Variants in PSD3 observed in about 807,000 individuals in gnomAD.
The protein encoded by PSD3 is pleckstrin and Sec7 domain containing 3, also known as PH and SEC7 domain-containing protein 3.
PSD3 carries 49 observed loss-of-function variants against 105.5 expected under a neutral mutation model. That is an observed-to-expected ratio of 0.46 (90% CI 0.37 to 0.59). The LOEUF (loss-of-function observed/expected upper bound fraction) is 0.59. Ranked by LOEUF, PSD3 falls within the 20% of genes least tolerant of loss-of-function variation. The pLI is 0.00. For synonymous variants in PSD3, 557 were observed against 457.8 expected, an observed-to-expected ratio of 1.22 and a Z score of -2.77; for missense variants, 1,561 against 1,263.8, an observed-to-expected ratio of 1.24 and a Z score of -3.57.
intron 8 of PSD3, among the ~76,000 whole-genome samples, chr8:18,765,783 T>C (rs1806934930): frequency 6.6e-6 from 1 of 151,896 alleles, no homozygotes; most frequent in African/African-American, 2.4e-5. Context: ...CTAACATGTT[T>C]AGTAAAAACC....
chr8:19,074,428 G>T (rs1829379667), intron 1 of PSD3, among the ~76,000 whole-genome samples: 1 of 151,808 alleles, frequency 6.6e-6, no homozygotes, highest in Non-Finnish European at 1.5e-5. Flanking sequence ...TTCTAATCCG[G>T]ATTTCAAATT....
chr8:18,962,967 C>T (rs1011753555), intron 1 of PSD3, among the ~76,000 whole-genome samples: 6 of 152,162 alleles, frequency 3.9e-5, no homozygotes, highest in African/African-American at 7.2e-5. Flanking sequence ...TCCGTTTTCA[C>T]GCTGCTGATA....
intron 1 of PSD3, among the ~76,000 whole-genome samples, chr8:19,073,039 A>C (rs1344750895): frequency 6.6e-6 from 1 of 152,162 alleles, no homozygotes; most frequent in Non-Finnish European, 1.5e-5. Context: ...AAAGATAATA[A>C]AATGGTTAAT....
chr8:18,782,574 G>C (rs567755194), intron 8 of PSD3, among the ~76,000 whole-genome samples: 10 of 152,310 alleles, frequency 6.6e-5, no homozygotes, highest in Non-Finnish European at 1.5e-4. Context: ...CTCTGGGATG[G>C]ATATGCAGGA....
chr8:18,734,491 T>C (rs889416881), intron 9 of PSD3: 4 of 152,200 alleles, frequency 2.6e-5, no homozygotes, highest in Non-Finnish European at 5.9e-5. Flanking sequence ...TCAGATTTTG[T>C]TCCTCCTGGC....
At chr8:18,587,375 G>A (rs781580702) in intron 12 of PSD3, among the ~76,000 whole-genome samples, 2 of 152,014 alleles carry the variant, frequency 1.3e-5, no homozygotes, top group Non-Finnish European at 2.9e-5. Flanking sequence ...ATGACATTGT[G>A]ATACCATCTC....
chr8:19,067,111 CA>C lies in PSD3; in HGVS notation c.324+17094del, dbSNP rs377571249. 5.7e-4 allele frequency among the ~76,000 whole-genome samples: 87 copies of C among 152,236 alleles called. 1 individual carries two copies. The highest frequency in any genetic ancestry group is 2.0e-3 in the African/African-American group (85 of 41,540). On this transcript the variant is annotated intron_variant, in intron 1 of 1. Transcript: ENST00000521475. ...ATGCAAGACTGATGAGTTCTTTGGGCAGACTGTCATTTAAAAAAATTGATCA... is the reference window on the plus strand; with the variant it reads ...ATGCAAGACTGATGAGTTCTTTGGGCGACTGTCATTTAAAAAAATTGATCA...
At chr8:18,793,031 T>C (rs1362119537) in intron 8 of PSD3, among the ~76,000 whole-genome samples, 5 of 152,170 alleles carry the variant, frequency 3.3e-5, no homozygotes, top group African/African-American at 9.7e-5. Context: ...TGTAGGGACA[T>C]GGATGAAGCT....
In PSD3 at chr8:18,748,387, G is replaced by A. The variant is rs185901737; in HGVS notation, c.2172+17062C>T. On this transcript the variant is annotated intron_variant, in intron 9 of 15. Transcript: ENST00000327040. ...TAATAAAGATTTTTCCAGGCTGGGC[G>A]CGATGGCTCACACCTGTAATCCCAG... 7.2e-5 allele frequency among the ~76,000 whole-genome samples: 11 copies of A among 152,240 alleles called. No homozygotes were observed. The East Asian group carries it at 9.7e-4, about 13-fold the overall frequency.
At chr8:18,768,116 C>CAAAAAAAAAA (rs774203727) in intron 8 of PSD3, among the ~76,000 whole-genome samples, 25 of 97,292 alleles carry the variant, frequency 2.6e-4, no homozygotes, top group Non-Finnish European at 4.2e-4. Flanking sequence ...ACTGAAAATA[C>CAAAAAAAAAA]AAAAAAAAAA....
At chr8:18,569,169 G>A (rs1306177636) in intron 14 of PSD3, among the ~76,000 whole-genome samples, 4 of 132,332 alleles carry the variant, frequency 3.0e-5, no homozygotes, top group East Asian at 2.2e-4. Context: ...ATAAACATAC[G>A]TGTGCATGTG....
At chr8:18,606,942 T>A (rs1804882360) in intron 11 of PSD3, among the ~76,000 whole-genome samples, 1 of 152,192 alleles carries the variant, frequency 6.6e-6, no homozygotes, top group Non-Finnish European at 1.5e-5. Flanking sequence ...ATATTTACAA[T>A]TCTGAAAGGT....
chr8:19,022,038 A>G (rs1299322047), intron 1 of PSD3, among the ~76,000 whole-genome samples: 1 of 152,214 alleles, frequency 6.6e-6, no homozygotes, highest in African/African-American at 2.4e-5. Flanking sequence ...GAAGCTTATA[A>G]CTATTGCAGA....
intron 1 of PSD3, among the ~76,000 whole-genome samples, chr8:19,054,123 C>A (rs1828626022): frequency 6.6e-6 from 1 of 152,200 alleles, no homozygotes; most frequent in Admixed American, 6.5e-5. Flanking sequence ...CCTCTAGGGC[C>A]TTTCTCCTGC....
Position 18,858,202 on chromosome 8 carries a change from T to C in PSD3, c.1634+9472A>G, listed in dbSNP as rs1816172961. ...GAGCAAGTGATACAAATTTCTGGAT[T>C]TTCTGGTGCCTATAAGAGTTAGGTT... On this transcript the variant is annotated intron_variant, in intron 4 of 15. Transcript: ENST00000327040. Among the ~76,000 whole-genome samples, 2 of 152,180 alleles carry C rather than the reference T, an allele frequency of 1.3e-5. 1 individual carries two copies. Among genetic ancestry groups the C allele is most frequent in the African/African-American group, 4.8e-5 (2 of 41,438 alleles).
chr8:18,702,076 C>T (rs1288838381), intron 9 of PSD3, among the ~76,000 whole-genome samples: 1 of 152,168 alleles, frequency 6.6e-6, no homozygotes, highest in South Asian at 2.1e-4. Flanking sequence ...TCCCAGGAAT[C>T]CTGGGAGTGA....
chr8:18,662,160 G>T (rs1007388949), intron 9 of PSD3, among the ~76,000 whole-genome samples: 6 of 151,990 alleles, frequency 3.9e-5, no homozygotes, highest in Non-Finnish European at 5.9e-5. Flanking sequence ...GCACAAATTC[G>T]TATTAATGAA....
chr8:18,763,632 AAAGG>A (rs1163773032), intron 9 of PSD3, among the ~76,000 whole-genome samples: 1 of 152,164 alleles, frequency 6.6e-6, no homozygotes, highest in African/African-American at 2.4e-5. Context: ...AACCAGGAGA[AAAGG>A]AAGGCAGGAA....
intron 1 of PSD3, chr8:19,001,073 G>A (rs936967931): frequency 1.1e-4 from 17 of 149,230 alleles, no homozygotes; most frequent in Admixed American, 5.4e-4. Context: ...AGTGCTAAAT[G>A]CTTCCACATG....
Sources: gnomAD v4.1 joint callset for allele counts (sites outside exome capture counted in the v4.1 genomes callset) on GRCh38, gnomAD v4.1.1 for gene constraint, MANE v1.5 for transcripts, NCBI Gene and HGNC (gene_info 2026-07-23, HGNC 2026-07-21) for gene names.